Variants in IQSEC3 observed in about 807,000 individuals in gnomAD.
IQSEC3 encodes IQ motif and Sec7 domain ArfGEF 3, also known as IQ motif and SEC7 domain-containing protein 3.
Under a neutral mutation model 105.4 loss-of-function variants are expected in IQSEC3, and 50 were observed. That is an observed-to-expected ratio of 0.47 (90% CI 0.38 to 0.60). The LOEUF is 0.60. Ranked by LOEUF, IQSEC3 falls within the 20% of genes least tolerant of loss-of-function variation. The pLI, the probability that IQSEC3 is intolerant of heterozygous loss-of-function variation, is 0.00. For missense variants in IQSEC3, 1,415 were observed against 1,630.0 expected (o/e 0.87, Z 2.27); for synonymous variants, 708 against 746.0 (o/e 0.95, Z 0.83).
At position 138,972 on chromosome 12, in the gene IQSEC3, G is replaced by A; in HGVS notation, c.1609G>A (p.Ala537Thr). ...GCAGGGCGAGACCTCTGGGCGGGAG[G>A]CCCCGGAAGCCCCCGCCGTGGGCCG... Reference protein sequence around the residue: ...AEQGETSGREAPEAPAVGRED... With the variant: ...AEQGETSGRETPEAPAVGRED... The change falls in exon 4 of 14, where the codon GCC becomes ACC. Residue 537 changes from alanine (A) to threonine (T), a missense_variant. Around this residue, in one of 6 missense-constraint regions of IQSEC3, gnomAD observed 720 missense variants for 633.0 expected, o/e 1.14. Transcript: ENST00000538872. The surrounding 1 kb of genome is among the most constrained non-coding windows in gnomAD (Gnocchi z 7.1). 1 of 1,541,138 alleles carries A rather than the reference G, an allele frequency of 6.5e-7. No homozygotes were observed. The highest frequency in any genetic ancestry group is 2.0e-5 in the Admixed American group (1 of 49,666).
chr12:168,983 C>T (rs782805901), intron 11 of IQSEC3, 30 bp from the exon 12 acceptor site: 9 of 1,596,810 alleles, frequency 5.6e-6, no homozygotes, highest in Non-Finnish European at 7.7e-6. Flanking sequence ...GTTAAGGTTT[C>T]TCTTGCTCAC....
At chr12:160,916 C>G (rs544227936) in intron 7 of IQSEC3, among the ~76,000 whole-genome samples, 1 of 152,122 alleles carries the variant, frequency 6.6e-6, no homozygotes. Flanking sequence ...TCCTTTCTCC[C>G]GAGTATTCAG....
intron 5 of IQSEC3, chr12:143,364 C>T: frequency 6.5e-6 from 1 of 153,122 alleles, no homozygotes; most frequent in Non-Finnish European, 1.5e-5. Context: ...CTCCTCTGTG[C>T]TGTGTGGCTT....
chr12:156,372 T>C (rs1157387680), intron 5 of IQSEC3, among the ~76,000 whole-genome samples: 1 of 152,164 alleles, frequency 6.6e-6, no homozygotes, highest in Non-Finnish European at 1.5e-5. Flanking sequence ...TGACCCTGCG[T>C]GTCACGCTGT....
Position 149,723 on chromosome 12 carries a change from G to A in IQSEC3, c.2154-7302G>A, listed in dbSNP as rs114706064. 1.2e-3 allele frequency among the ~76,000 whole-genome samples: 176 copies of A among 152,310 alleles called. 1 individual carries two copies. The highest frequency in any genetic ancestry group is 4.0e-3 in the African/African-American group (165 of 41,574). On this transcript the variant is annotated intron_variant, in intron 5 of 13. Coordinates refer to ENST00000538872, the MANE Select transcript of IQSEC3 (RefSeq NM_001170738.2). ...ACAGAAGGTGGGTTCCGGGGACAAC[G>A]GAGGTCAGGGAAGACTCCTAGAGAG...
At chr12:109,262 C>T (rs1864789035) in intron 2 of IQSEC3, among the ~76,000 whole-genome samples, 1 of 152,220 alleles carries the variant, frequency 6.6e-6, no homozygotes, top group South Asian at 2.1e-4. Context: ...TGAGAACAGT[C>T]GAGCAGCTGC....
At chr12:83,378 A>G (rs1297672284) in intron 1 of IQSEC3, among the ~76,000 whole-genome samples, 5 of 152,090 alleles carry the variant, frequency 3.3e-5, no homozygotes, top group African/African-American at 1.2e-4. Flanking sequence ...AAGAAAATTC[A>G]CACACGTATA....
rs550425134 is a variant in IQSEC3 at position 124,525 on chromosome 12, G to A, written c.624-1108G>A. 2.6e-5 allele frequency among the ~76,000 whole-genome samples: 4 copies of A among 152,192 alleles called. No homozygotes were observed. The South Asian group carries it at 8.3e-4, about 32-fold the overall frequency. ...GTAGGAACTAGGACCTCCTAAGGTA[G>A]GAATTAGGACAAGGGAACCAAGACT... On this transcript the variant is annotated intron_variant, in intron 2 of 13. Coordinates refer to ENST00000538872, the MANE Select transcript of IQSEC3 (RefSeq NM_001170738.2).
At chr12:98,988 T>C (rs1484988933) in intron 1 of IQSEC3, among the ~76,000 whole-genome samples, 158 bp from the exon 2 acceptor site, 2 of 152,176 alleles carry the variant, frequency 1.3e-5, no homozygotes, top group African/African-American at 4.8e-5. Context: ...TGCTGCACTC[T>C]TGCCCAGAGC....
At chr12:156,219 G>A (rs901957334) in intron 5 of IQSEC3, among the ~76,000 whole-genome samples, 7 of 152,156 alleles carry the variant, frequency 4.6e-5, no homozygotes, top group Non-Finnish European at 1.0e-4. Context: ...CCCAGGGTTG[G>A]AGGCAGCATT....
chr12:165,646 C>T (rs1385596493), intron 10 of IQSEC3, 83 bp from the exon 11 acceptor site: 7 of 1,578,542 alleles, frequency 4.4e-6, no homozygotes, highest in African/African-American at 2.7e-5. Context: ...CATGAGACCC[C>T]GTGCCCTCCT....
intron 5 of IQSEC3, among the ~76,000 whole-genome samples, chr12:149,865 C>T (rs782575109): frequency 1.4e-4 from 21 of 152,014 alleles, no homozygotes; most frequent in Non-Finnish European, 2.5e-4. Flanking sequence ...GCTGGGGAAG[C>T]GGCGAGAGAA....
At chr12:69,831 C>T (rs1863240826) in intron 1 of IQSEC3, among the ~76,000 whole-genome samples, 1 of 152,272 alleles carries the variant, frequency 6.6e-6, no homozygotes, top group Admixed American at 6.5e-5. Context: ...CTGCTCTCTG[C>T]CCGTGGCCCG....
At chr12:74,679 C>G (rs1163023894) in intron 1 of IQSEC3, among the ~76,000 whole-genome samples, 6 of 152,366 alleles carry the variant, frequency 3.9e-5, no homozygotes, top group African/African-American at 1.2e-4. Context: ...AGACCATTCC[C>G]TCTAAGCCAC....
intron 1 of IQSEC3, among the ~76,000 whole-genome samples, chr12:74,514 T>C (rs1591625060): frequency 2.0e-5 from 3 of 152,366 alleles, no homozygotes; most frequent in Middle Eastern, 3.4e-3. Flanking sequence ...GCTCTTTGGT[T>C]GGAATAAGGG....
intron 3 of IQSEC3, among the ~76,000 whole-genome samples, chr12:131,180 G>T (rs557563688): frequency 6.6e-6 from 1 of 152,330 alleles, no homozygotes; most frequent in South Asian, 2.1e-4. Flanking sequence ...ACACTGAGAG[G>T]CTCATTAGAG....
At chr12:130,631 C>A (rs141058840) in intron 3 of IQSEC3, among the ~76,000 whole-genome samples, 1 of 152,328 alleles carries the variant, frequency 6.6e-6, no homozygotes, top group African/African-American at 2.4e-5. Context: ...CTAGCTGAGC[C>A]ATAGCGTGTC....
chr12:102,185 C>G (rs891932131), intron 2 of IQSEC3, among the ~76,000 whole-genome samples: 2 of 150,300 alleles, frequency 1.3e-5, no homozygotes, highest in Non-Finnish European at 3.0e-5. Flanking sequence ...TGGCTCCTCC[C>G]CCGTCAGTCT....
At chr12:113,213 T>C (rs530734162) in intron 2 of IQSEC3, among the ~76,000 whole-genome samples, 1 of 152,234 alleles carries the variant, frequency 6.6e-6, no homozygotes, top group African/African-American at 2.4e-5. Flanking sequence ...ACAACCAGCA[T>C]CGATACTGCA....
Sources: allele counts gnomAD v4.1 joint callset (sites outside exome capture counted in the v4.1 genomes callset), GRCh38; gene constraint gnomAD v4.1.1; regional missense constraint gnomAD v4.1.1; non-coding constraint Gnocchi (gnomAD v3.1); transcripts MANE v1.5; gene names NCBI Gene and HGNC (gene_info 2026-07-23, HGNC 2026-07-21).